Variants in GAS6 observed in about 807,000 individuals in gnomAD.
GAS6 encodes growth arrest specific 6, also known as growth arrest-specific protein 6.
A neutral mutation model predicts 75.8 loss-of-function variants in GAS6; 41 were observed. The ratio of observed to expected loss-of-function variants is 0.54; its 90% CI spans 0.42 to 0.70. The LOEUF is 0.70. GAS6 is among the 30% of genes least tolerant of loss of function. The pLI, the probability that GAS6 is intolerant of heterozygous loss-of-function variation, is 0.00. For synonymous variants in GAS6, 432 were observed against 412.6 expected (o/e 1.05, Z -0.57); for missense variants, 854 against 940.2 (o/e 0.91, Z 1.20).
Position 113,834,536 on chromosome 13 carries a change from C to T in GAS6, c.834+15G>A, listed in dbSNP as rs567563238. On this transcript the variant is annotated intron_variant, in intron 8 of 14. Coordinates refer to ENST00000327773, the MANE Select transcript of GAS6 (RefSeq NM_000820.4). ...GAACCACCGTGAAGGGCCCGCGGGG[C>T]CAGGGGCCGCCTACCTCACAGGTGT... 6.5e-5 allele frequency: 100 copies of T among 1,539,792 alleles called. No homozygotes were observed. The East Asian group carries it at 1.5e-3, about 23-fold the overall frequency.
intron 12 of GAS6, among the ~76,000 whole-genome samples, chr13:113,823,873 C>G (rs76431692): frequency 0.16 from 23,615 of 152,182 alleles, 3,559 homozygotes; most frequent in African/African-American, 0.4. Context: ...TCCCTGCCTC[C>G]CTCCGATGTC....
chr13:113,830,427 G>A (rs928795770), intron 10 of GAS6, among the ~76,000 whole-genome samples: 1 of 134,940 alleles, frequency 7.4e-6, no homozygotes. Flanking sequence ...TCCATCCCCT[G>A]CAACACCGCT....
intron 2 of GAS6, among the ~76,000 whole-genome samples, chr13:113,856,612 G>T (rs536412956): frequency 1.3e-5 from 2 of 152,188 alleles, no homozygotes; most frequent in Non-Finnish European, 2.9e-5. Flanking sequence ...TTCATCATCT[G>T]CTGCTGCTAT....
At chr13:113,846,288 C>T (rs1347947724) in intron 4 of GAS6, among the ~76,000 whole-genome samples, 1 of 152,234 alleles carries the variant, frequency 6.6e-6, no homozygotes, top group Non-Finnish European at 1.5e-5. Context: ...GATGGGCTTT[C>T]ACATCACACT....
In GAS6 at chr13:113,823,377, GCTT is replaced by G. The variant is rs755656552; in HGVS notation, c.1648_1650del (p.Lys550del). ...GCCCTGGGTGGCGGAGGCCCTACCT[GCTT>G]CTTGAGTTTCTTCGTGGAGTGATAG... On this transcript the variant is annotated inframe_deletion, in exon 13 of 15. Coordinates refer to ENST00000327773, the MANE Select transcript of GAS6 (RefSeq NM_000820.4). 5.0e-6 allele frequency: 8 copies of G among 1,609,290 alleles called. No homozygotes were observed. Among genetic ancestry groups the G allele is most frequent in the Admixed American group, 3.3e-5 (2 of 59,810 alleles).
chr13:113,828,269 A>AT (rs923764873), intron 11 of GAS6, among the ~76,000 whole-genome samples: 25 of 151,672 alleles, frequency 1.6e-4, no homozygotes, highest in African/African-American at 6.1e-4. Flanking sequence ...GTCTCAAAAA[A>AT]AATAATAATA....
rs999457153 is a variant in GAS6, at chr13:113,846,383, T to C, written c.343+144A>G. The C allele has an allele frequency of 6.6e-6, 4 of 604,350 alleles. 1 individual carries two copies. The South Asian group carries it at 7.8e-5, about 12-fold the overall frequency. The allele number at this position is 604,350 out of a possible 1,614,324, so 37.4% of individuals were successfully genotyped here. Reference sequence around the variant, plus strand: ...AATTTACTTGTTTAAAAAAGAAAGTTTGGCGAAAAGGGAGCAGGCCTCGGC... The same window carrying C: ...AATTTACTTGTTTAAAAAAGAAAGTCTGGCGAAAAGGGAGCAGGCCTCGGC... On this transcript the variant is annotated intron_variant, in intron 4 of 14. Transcript: ENST00000327773.
Position 113,846,406 on chromosome 13 carries a change from G to A in GAS6, c.343+121C>T, listed in dbSNP as rs1235580457. 153 of 767,418 alleles carry A rather than the reference G, an allele frequency of 2.0e-4. 1 individual carries two copies. The highest frequency in any genetic ancestry group is 6.3e-6 in the Non-Finnish European group (3 of 473,682). The allele number at this position is 767,418 out of a possible 1,614,324, so 47.5% of individuals were successfully genotyped here. ...GTTTGGCGAAAAGGGAGCAGGCCTC[G>A]GCAAGGGACCACAGCTCCTTAAAAA... On this transcript the variant is annotated intron_variant, in intron 4 of 14. Transcript: ENST00000327773.
At chr13:113,861,816 CG>C (rs2051973716) in intron 2 of GAS6, among the ~76,000 whole-genome samples, 1 of 152,072 alleles carries the variant, frequency 6.6e-6, no homozygotes, top group Non-Finnish European at 1.5e-5. Flanking sequence ...AGAGGGAAAG[CG>C]GGTTGTTATC....
At chr13:113,856,520 T>A (rs2051916078) in intron 2 of GAS6, among the ~76,000 whole-genome samples, 1 of 151,874 alleles carries the variant, frequency 6.6e-6, no homozygotes, top group African/African-American at 2.4e-5. Context: ...GCACGATTCA[T>A]CTTTCAGACT....
rs1031641959 is a variant in GAS6, at chr13:113,863,937, G to A, written c.-17C>T. 1.7e-4 allele frequency: 186 copies of A among 1,116,280 alleles called. No individual in the cohort carries two copies. Among genetic ancestry groups the A allele is most frequent in the Middle Eastern group, 7.6e-4 (2 of 2,628 alleles). 69.1% of individuals were successfully genotyped at this position (1,116,280 alleles called of 1,614,324 possible). On this transcript the variant is annotated 5_prime_UTR_variant, in exon 1 of 15. Transcript: ENST00000327773. The surrounding 1 kb of genome is among the most constrained non-coding windows in gnomAD (Gnocchi z 9.4). Reference sequence around the variant, plus strand: ...AGGGGCCATGGCGGGCCGGGGACGCGCGGTCAGAGCGCCCGGGAGGCCGAG... The same window carrying A: ...AGGGGCCATGGCGGGCCGGGGACGCACGGTCAGAGCGCCCGGGAGGCCGAG...
rs373068496 is a variant in GAS6 at position 113,846,564 on chromosome 13, C to A, written c.306G>T (p.Pro102=). The change falls in exon 4 of 15, where the codon CCG becomes CCT. Residue 102 remains proline (P), a synonymous_variant. Transcript: ENST00000327773. ...YLDCINKYGS[P]YTKNSGFATC... is the part of the protein sequence containing the mutation. Reference sequence around the variant, plus strand: ...TGGCGAAGCCTGAGTTTTTGGTGTACGGAGACCCATACTTGTTGATGCAGT... The same window carrying A: ...TGGCGAAGCCTGAGTTTTTGGTGTAAGGAGACCCATACTTGTTGATGCAGT... The A allele has an allele frequency of 6.2e-6, 10 of 1,613,958 alleles. No homozygotes were observed. The East Asian group carries it at 1.8e-4, about 29-fold the overall frequency.
intron 5 of GAS6, among the ~76,000 whole-genome samples, chr13:113,838,841 C>T (rs1379466761): frequency 1.3e-5 from 2 of 151,580 alleles, no homozygotes; most frequent in African/African-American, 2.4e-5. Context: ...CACAGCCCAG[C>T]CCCCGAGCAG....
At chr13:113,859,067 T>G in intron 2 of GAS6, among the ~76,000 whole-genome samples, 1 of 150,556 alleles carries the variant, frequency 6.6e-6, no homozygotes, top group Non-Finnish European at 1.5e-5. Flanking sequence ...TGTGTACGTA[T>G]GTCTATGTGA....
At chr13:113,833,130 T>C in intron 8 of GAS6, 2 of 1,166,016 alleles carry the variant, frequency 1.7e-6, no homozygotes, top group Admixed American at 7.7e-5. Flanking sequence ...TCCTGGAAAG[T>C]TCCCTGTTCT....
Position 113,838,190 on chromosome 13 carries a change from A to G in GAS6, c.468T>C (p.Asp156=). ...CGTTCTCCTGGCTGCATTCGTTGAC[A>G]TCTGGGAACAAGCACAGGCCTGAAG... ...AGWGGRLCDK[D]VNECSQENGG... is the part of the protein sequence containing the mutation. The change falls in exon 6 of 15, where the codon GAT becomes GAC. Residue 156 remains aspartate (D), a splice_region_variant and synonymous_variant. Transcript: ENST00000327773. The G allele has an allele frequency of 6.2e-7, 1 of 1,612,466 alleles. No individual in the cohort carries two copies. The highest frequency in any genetic ancestry group is 8.5e-7 in the Non-Finnish European group (1 of 1,179,820).
intron 13 of GAS6, chr13:113,822,476 G>A (rs1226072203): frequency 6.0e-6 from 2 of 332,488 alleles, no homozygotes; most frequent in Non-Finnish European, 1.1e-5. Context: ...CCAGGCACCA[G>A]GCACACACAA....
intron 12 of GAS6, among the ~76,000 whole-genome samples, chr13:113,823,845 C>T (rs114447907): frequency 0.011 from 1,688 of 152,290 alleles, 25 homozygotes; most frequent in African/African-American, 0.039. Flanking sequence ...AGGCTGTGCA[C>T]CATGGGACGC....
chr13:113,863,662 G>C lies in GAS6; in HGVS notation c.168C>G (p.Ala56=). The part of the protein sequence containing the change: ...QRRAFQVFEE[A]KQGHLERECV... Reference sequence around the variant, plus strand: ...ACTCCCTCTCCAGGTGGCCCTGCTTGGCCTCCTCGAAGACCTGAAAGGCGC... The same window carrying C: ...ACTCCCTCTCCAGGTGGCCCTGCTTCGCCTCCTCGAAGACCTGAAAGGCGC... The change falls in exon 2 of 15, where the codon GCC becomes GCG. Residue 56 remains alanine (A), a synonymous_variant. Coordinates refer to ENST00000327773, the MANE Select transcript of GAS6 (RefSeq NM_000820.4). The surrounding 1 kb of genome is among the most constrained non-coding windows in gnomAD (Gnocchi z 9.4). 6.6e-7 allele frequency: 1 copy of C among 1,522,150 alleles called. No homozygotes were observed. Among genetic ancestry groups the C allele is most frequent in the Non-Finnish European group, 8.8e-7 (1 of 1,134,890 alleles). The allele number at this position is 1,522,150 out of a possible 1,614,324, so 94.3% of individuals were successfully genotyped here.
Sources: allele counts gnomAD v4.1 joint callset (sites outside exome capture counted in the v4.1 genomes callset), GRCh38; gene constraint gnomAD v4.1.1; non-coding constraint Gnocchi (gnomAD v3.1); transcripts MANE v1.5; gene names NCBI Gene and HGNC (gene_info 2026-07-23, HGNC 2026-07-21).